Variants in BBC3 observed in about 807,000 individuals in gnomAD.
BBC3 encodes bcl-2-binding component 3.
BBC3 carries 5 observed loss-of-function variants against 18.2 expected under a neutral mutation model. The ratio of observed to expected loss-of-function variants is 0.27; its 90% CI spans 0.14 to 0.58. The LOEUF (loss-of-function observed/expected upper bound fraction) is 0.58, where lower values mean the gene tolerates loss of function less well. BBC3 is among the 20% of genes least tolerant of loss of function. The pLI is 0.91. For missense variants in BBC3, 224 were observed against 268.9 expected (o/e 0.83, Z 1.17); for synonymous variants, 119 against 128.0 (o/e 0.93, Z 0.47).
rs2058874261 is a variant in BBC3 at position 47,228,823 on chromosome 19, C to G, written c.-15-377G>C. On this transcript the variant is annotated intron_variant, in intron 1 of 3. Coordinates refer to ENST00000439096, the MANE Select transcript of BBC3 (RefSeq NM_014417.5). This position sits in a 1 kb window ranked among gnomAD's most constrained non-coding sequence, Gnocchi z 5.5. ...AGCATGGGCTGGTGGGGACAACTTTCCCAACACAGCGACGGGCACACAGGG... is the reference window on the plus strand; with the variant it reads ...AGCATGGGCTGGTGGGGACAACTTTGCCAACACAGCGACGGGCACACAGGG... Among the ~76,000 whole-genome samples the G allele has an allele frequency of 6.6e-6, 1 of 151,926 alleles. No homozygotes were observed. Among genetic ancestry groups the G allele is most frequent in the South Asian group, 2.1e-4 (1 of 4,830 alleles).
chr19:47,221,974 G>A, intron 3 of BBC3, 56 bp from the exon 4 acceptor site: 1 of 1,471,936 alleles, frequency 6.8e-7, no homozygotes, highest in Non-Finnish European at 9.2e-7. Context: ...GGTGATGGGA[G>A]TGGGGATGGT....
At chr19:47,226,412 A>AT in intron 3 of BBC3, 152 bp downstream of exon 3, 1 of 461,158 alleles carries the variant, frequency 2.2e-6, no homozygotes, top group Non-Finnish European at 3.5e-6. Flanking sequence ...CGGGCGCGCG[A>AT]TTCCCCCCCA....
In BBC3 at chr19:47,228,968, T is replaced by G. The variant is rs1568625119; in HGVS notation, c.-15-522A>C. On this transcript the variant is annotated intron_variant, in intron 1 of 3. Transcript: ENST00000439096. This position sits in a 1 kb window ranked among gnomAD's most constrained non-coding sequence, Gnocchi z 5.5. Reference sequence around the variant, plus strand: ...CACAAACACTGAGATGGCCCCAGTCTCGGACATCACTACTCAGTACACACA... The same window carrying G: ...CACAAACACTGAGATGGCCCCAGTCGCGGACATCACTACTCAGTACACACA... Among the ~76,000 whole-genome samples, 1 of 151,546 alleles carries G rather than the reference T, an allele frequency of 6.6e-6. No homozygotes were observed. The highest frequency in any genetic ancestry group is 1.5e-5 in the Non-Finnish European group (1 of 67,922).
rs942210815 is a variant in BBC3 at position 47,226,654 on chromosome 19, T to A, written c.375A>T (p.Gly125=). 9 of 1,533,482 alleles carry A rather than the reference T, an allele frequency of 5.9e-6. No individual in the cohort carries two copies. The highest frequency in any genetic ancestry group is 7.9e-6 in the Non-Finnish European group (9 of 1,141,508). The allele number at this position is 1,533,482 out of a possible 1,614,324, so 95.0% of individuals were successfully genotyped here. ...CCCACTGTTCCTCCTCCCCGCGGACTCCCGGGGCCGCCTGGGTGGGACCGC... is the reference window on the plus strand; with the variant it reads ...CCCACTGTTCCTCCTCCCCGCGGACACCCGGGGCCGCCTGGGTGGGACCGC... ...LAGGPTQAAP[G]VRGEEEQWAR... The change falls in exon 3 of 4, where the codon GGA becomes GGT. Residue 125 remains glycine, a synonymous_variant. Coordinates refer to ENST00000439096, the MANE Select transcript of BBC3 (RefSeq NM_014417.5).
intron 3 of BBC3, among the ~76,000 whole-genome samples, chr19:47,226,327 TCCCTGG>T (rs540147387): frequency 1.1e-4 from 16 of 151,668 alleles, no homozygotes; most frequent in South Asian, 8.3e-4. Context: ...GGCGGCCTAG[TCCCTGG>T]CCCTGGCCCT....
rs747413729 is a variant in BBC3 at position 47,226,742 on chromosome 19, G to C, written c.287C>G (p.Ser96Trp). 7 of 1,406,366 alleles carry C rather than the reference G, an allele frequency of 5.0e-6. No homozygotes were observed. The highest frequency in any genetic ancestry group is 9.2e-7 in the Non-Finnish European group (1 of 1,085,618). 87.1% of individuals were successfully genotyped at this position (1,406,366 alleles called of 1,614,324 possible). A position where few individuals can be genotyped will look rare whatever the true frequency, so the allele number is the denominator to read the frequency against. Residue 96 changes from serine (S) to tryptophan (W), a missense_variant, in exon 3 of 4, where the codon TCG becomes TGG. Coordinates refer to ENST00000439096, the MANE Select transcript of BBC3 (RefSeq NM_014417.5). Reference protein sequence around the residue: ...RGPRPDGPQPSLSLAEQHLES... With the variant: ...RGPRPDGPQPWLSLAEQHLES... ...CAGGTGCTGCTCCGCCAGCGAGAGC[G>C]AGGGCTGAGGACCTTGGAGAGGCAG...
chr19:47,231,354 C>G (rs964583927), upstream of BBC3: 15 of 311,690 alleles, frequency 4.8e-5, no homozygotes, highest in Admixed American at 6.5e-5. This position sits in a 1 kb window ranked among gnomAD's most constrained non-coding sequence, Gnocchi z 4.0. Flanking sequence ...GCGCCGCGCC[C>G]CCCCCTACCT....
upstream of BBC3, chr19:47,232,696 C>G: frequency 8.3e-7 from 1 of 1,205,634 alleles, no homozygotes; most frequent in Non-Finnish European, 1.2e-6. Context: ...CTTCCTTTTT[C>G]CAAAGCCGTG....
rs1054622050 is a variant in BBC3, at chr19:47,221,320, G to A, written c.*482C>T. 5.5e-5 allele frequency: 10 copies of A among 182,208 alleles called. No homozygotes were observed. The highest frequency in any genetic ancestry group is 1.3e-4 in the Admixed American group (2 of 15,716). The allele number at this position is 182,208 out of a possible 1,614,324, so 11.3% of individuals were successfully genotyped here. A position where few individuals can be genotyped will look rare whatever the true frequency, so the allele number is the denominator to read the frequency against. ...CACTCTCTGGCTCCAGGAGGCTAGT[G>A]GTCACGTTTGGCTCATTTGCTCTTC... On this transcript the variant is annotated 3_prime_UTR_variant, in exon 4 of 4. Transcript: ENST00000439096.
In BBC3 at chr19:47,228,564, G is replaced by T. The variant is rs748807014; in HGVS notation, c.-15-118C>A. 2.8e-4 allele frequency: 290 copies of T among 1,026,088 alleles called. No homozygotes were observed. Among genetic ancestry groups the T allele is most frequent in the Non-Finnish European group, 3.2e-4 (255 of 803,174 alleles). 63.6% of individuals were successfully genotyped at this position (1,026,088 alleles called of 1,614,324 possible). A position where few individuals can be genotyped will look rare whatever the true frequency, so the allele number is the denominator to read the frequency against. Reference sequence around the variant, plus strand: ...GAGTGGAGGTGTGTGTGCATGCGGAGGGGGTGACGGCCCCACAGAGACACG... The same window carrying T: ...GAGTGGAGGTGTGTGTGCATGCGGATGGGGTGACGGCCCCACAGAGACACG... On this transcript the variant is annotated intron_variant, in intron 1 of 3. Coordinates refer to ENST00000439096, the MANE Select transcript of BBC3 (RefSeq NM_014417.5). The surrounding 1 kb of genome is among the most constrained non-coding windows in gnomAD (Gnocchi z 5.5).
In BBC3 at chr19:47,230,089, C is replaced by T. The variant is rs1164698059; in HGVS notation, c.-16+840G>A. On this transcript the variant is annotated intron_variant, in intron 1 of 3. Transcript: ENST00000439096. The surrounding 1 kb of genome is among the most constrained non-coding windows in gnomAD (Gnocchi z 6.7). ...CACACCCCAGCACACGCAGGCACCA[C>T]AGACCCCCAGTATCATCCCGGAACA... Among the ~76,000 whole-genome samples, 1 of 151,942 alleles carries T rather than the reference C, an allele frequency of 6.6e-6. No individual in the cohort carries two copies. The highest frequency in any genetic ancestry group is 1.5e-5 in the Non-Finnish European group (1 of 67,976).
At chr19:47,224,390 A>G (rs2123364777) in intron 3 of BBC3, among the ~76,000 whole-genome samples, 1 of 152,300 alleles carries the variant, frequency 6.6e-6, no homozygotes, top group South Asian at 2.1e-4. Context: ...TGGGAGGCCA[A>G]GGCAGGAGGA....
At position 47,226,954 on chromosome 19, in the gene BBC3, G is replaced by A. The variant is rs2058834527; in HGVS notation, c.275-200C>T. 5 of 468,062 alleles carry A rather than the reference G, an allele frequency of 1.1e-5. No homozygotes were observed. The East Asian group carries it at 1.8e-4, about 17-fold the overall frequency. The allele number at this position is 468,062 out of a possible 1,614,324, so 29.0% of individuals were successfully genotyped here. Reference sequence around the variant, plus strand: ...TGGGGACGCCGCTCTGGGGTCACCTGTCTGGCCAGCTACGTCCCCACGGCC... The same window carrying A: ...TGGGGACGCCGCTCTGGGGTCACCTATCTGGCCAGCTACGTCCCCACGGCC... On this transcript the variant is annotated intron_variant, in intron 2 of 3. Transcript: ENST00000439096.
chr19:47,228,506 C>A lies in BBC3; in HGVS notation c.-15-60G>T. The A allele has an allele frequency of 8.2e-7, 1 of 1,223,498 alleles. No individual in the cohort carries two copies. The highest frequency in any genetic ancestry group is 4.1e-5 in the South Asian group (1 of 24,150). 75.8% of individuals were successfully genotyped at this position (1,223,498 alleles called of 1,614,324 possible). On this transcript the variant is annotated intron_variant, in intron 1 of 3. Coordinates refer to ENST00000439096, the MANE Select transcript of BBC3 (RefSeq NM_014417.5). This position sits in a 1 kb window ranked among gnomAD's most constrained non-coding sequence, Gnocchi z 5.5. ...GAAGTACCAGGGCCCACTGTACCTC[C>A]AGCCTACCCGGGGTTAGGACCCAGA...
In BBC3 at chr19:47,221,532, C is replaced by G. The variant is rs1458219709; in HGVS notation, c.*270G>C. 1.6e-6 allele frequency: 1 copy of G among 633,252 alleles called. No homozygotes were observed. Among genetic ancestry groups the G allele is most frequent in the Non-Finnish European group, 2.6e-6 (1 of 388,574 alleles). 39.2% of individuals were successfully genotyped at this position (633,252 alleles called of 1,614,324 possible). ...AGGCGGGCGGCTCAGTCCCCACCCCCTCGGTCACCGCCACCTTCCGATGCT... is the reference window on the plus strand; with the variant it reads ...AGGCGGGCGGCTCAGTCCCCACCCCGTCGGTCACCGCCACCTTCCGATGCT... On this transcript the variant is annotated 3_prime_UTR_variant, in exon 4 of 4. Transcript: ENST00000439096.
Position 47,230,673 on chromosome 19 carries a change from G to A in BBC3, c.-16+256C>T. ...GCACTGGCCGCCAGGGGGCGCTGCC[G>A]AGCCCGCACCCCATTGTTTGTAAAC... On this transcript the variant is annotated intron_variant, in intron 1 of 3. Coordinates refer to ENST00000439096, the MANE Select transcript of BBC3 (RefSeq NM_014417.5). This position sits in a 1 kb window ranked among gnomAD's most constrained non-coding sequence, Gnocchi z 6.7. 1 of 951,886 alleles carries A rather than the reference G, an allele frequency of 1.1e-6. No homozygotes were observed. The allele number at this position is 951,886 out of a possible 1,614,324, so 59.0% of individuals were successfully genotyped here. A position where few individuals can be genotyped will look rare whatever the true frequency, so the allele number is the denominator to read the frequency against.
chr19:47,226,046 T>C (rs920904066), intron 3 of BBC3, among the ~76,000 whole-genome samples: 3 of 151,656 alleles, frequency 2.0e-5, no homozygotes, highest in Admixed American at 6.5e-5. Flanking sequence ...GCTTCGAATA[T>C]TTGTTTTAAA....
In BBC3 at chr19:47,230,808, C is replaced by T; in HGVS notation, c.-16+121G>A. 1 of 985,324 alleles carries T rather than the reference C, an allele frequency of 1.0e-6. No homozygotes were observed. 61.0% of individuals were successfully genotyped at this position (985,324 alleles called of 1,614,324 possible). A position where few individuals can be genotyped will look rare whatever the true frequency, so the allele number is the denominator to read the frequency against. ...GGGTCCCTCGCGGGGTTTGGAGAGG[C>T]GCGGTGTGGGGAGGCAGGGCGCCCA... On this transcript the variant is annotated intron_variant, in intron 1 of 3. Coordinates refer to ENST00000439096, the MANE Select transcript of BBC3 (RefSeq NM_014417.5). This position sits in a 1 kb window ranked among gnomAD's most constrained non-coding sequence, Gnocchi z 6.7.
At chr19:47,222,003 G>C in intron 3 of BBC3, 85 bp from the exon 4 acceptor site, 1 of 1,282,984 alleles carries the variant, frequency 7.8e-7, no homozygotes. Context: ...GGGGCAGCGA[G>C]GCGACAGTCT....
Sources: gnomAD v4.1 joint callset for allele counts (sites outside exome capture counted in the v4.1 genomes callset) on GRCh38, gnomAD v4.1.1 for gene constraint, Gnocchi (gnomAD v3.1) non-coding constraint, MANE v1.5 for transcripts, NCBI Gene and HGNC (gene_info 2026-07-23, HGNC 2026-07-21) for gene names.